Variants in RAP1GAP2 observed in about 807,000 individuals in gnomAD.
The protein encoded by RAP1GAP2 is RAP1 GTPase activating protein 2.
Under a neutral mutation model 95.0 loss-of-function variants are expected in RAP1GAP2, and 27 were observed. The observed-to-expected ratio is 0.28, with a 90% CI of 0.21 to 0.39. RAP1GAP2 has a LOEUF of 0.39. RAP1GAP2 is among the 10% of genes least tolerant of loss of function. The pLI is 1.00. For missense variants in RAP1GAP2, 771 were observed against 970.0 expected, an observed-to-expected ratio of 0.79 and a Z score of 2.72; for synonymous variants, 373 against 380.9, an observed-to-expected ratio of 0.98 and a Z score of 0.24.
intron 12 of RAP1GAP2, 118 bp from the exon 13 acceptor site, chr17:2,995,219 C>G: frequency 7.7e-7 from 1 of 1,295,238 alleles, no homozygotes; most frequent in Non-Finnish European, 1.1e-6. Context: ...CTGCCCTCAG[C>G]TCTCCTGTCT....
At position 2,757,924 on chromosome 17, in the gene RAP1GAP2, G is replaced by C. The variant is rs540338514; in HGVS notation, c.50+2157G>C. On this transcript the variant is annotated intron_variant, in intron 1 of 25. Transcript: ENST00000637138. ...TCACACTGTCACCCAAGCTGGAGTGGAGTGGCGCGATCTCGGCTCACTGCA... is the reference window on the plus strand; with the variant it reads ...TCACACTGTCACCCAAGCTGGAGTGCAGTGGCGCGATCTCGGCTCACTGCA... Among the ~76,000 whole-genome samples, 101 of 151,832 alleles carry C rather than the reference G, an allele frequency of 6.7e-4. 1 individual carries two copies. The highest frequency in any genetic ancestry group is 6.8e-3 in the Middle Eastern group (2 of 294).
chr17:2,785,744 C>T (rs957802855), intron 1 of RAP1GAP2, among the ~76,000 whole-genome samples: 1 of 152,182 alleles, frequency 6.6e-6, no homozygotes, highest in Non-Finnish European at 1.5e-5. Flanking sequence ...ATAAAAACCT[C>T]TTCCTTCTTT....
intron 3 of RAP1GAP2, among the ~76,000 whole-genome samples, chr17:2,921,499 G>A (rs1052878906): frequency 1.3e-5 from 2 of 152,152 alleles, no homozygotes; most frequent in Non-Finnish European, 2.9e-5. Context: ...TACCATGACC[G>A]GCCAGGAATT....
At chr17:2,854,150 G>A (rs913182197) in intron 2 of RAP1GAP2, 8 of 985,132 alleles carry the variant, frequency 8.1e-6, no homozygotes, top group African/African-American at 1.7e-5. Context: ...CCTGCTGCAT[G>A]CCAGTTTTCT....
chr17:2,911,873 C>G (rs1238183968), intron 3 of RAP1GAP2, among the ~76,000 whole-genome samples: 1 of 152,196 alleles, frequency 6.6e-6, no homozygotes, highest in Non-Finnish European at 1.5e-5. Flanking sequence ...GAAGTCCACT[C>G]TGCTGGGACT....
At chr17:2,817,296 G>GAATTTCCT (rs1216201455) in intron 2 of RAP1GAP2, among the ~76,000 whole-genome samples, 2 of 120,514 alleles carry the variant, frequency 1.7e-5, no homozygotes, top group Non-Finnish European at 4.0e-5. Context: ...GCCTGGCCTA[G>GAATTTCCT]AATTTCCTTT....
chr17:3,017,940 T>C (rs2046827086), intron 17 of RAP1GAP2, 121 bp from the exon 18 acceptor site: 1 of 808,758 alleles, frequency 1.2e-6, no homozygotes. Context: ...TGTGTGTGTG[T>C]GTGTGTGTAT....
chr17:2,936,564 C>G (rs1163518361), intron 3 of RAP1GAP2, among the ~76,000 whole-genome samples: 1 of 152,048 alleles, frequency 6.6e-6, no homozygotes, highest in Non-Finnish European at 1.5e-5. Flanking sequence ...TGACCTTCAG[C>G]AGGCCAGTTA....
At chr17:2,838,659 GAT>G (rs371708883) in intron 2 of RAP1GAP2, among the ~76,000 whole-genome samples, 10 of 152,294 alleles carry the variant, frequency 6.6e-5, no homozygotes, top group African/African-American at 2.4e-4. Flanking sequence ...GGTGGAATTG[GAT>G]GAATTGGCGC....
chr17:2,850,802 C>T (rs1036608081), intron 2 of RAP1GAP2, among the ~76,000 whole-genome samples: 2 of 150,930 alleles, frequency 1.3e-5, no homozygotes, highest in African/African-American at 2.4e-5. Flanking sequence ...TGGCTCACAC[C>T]TGTAATCCCA....
rs568178756 is a variant in RAP1GAP2 at position 2,991,417 on chromosome 17, C to T, written c.914+20C>T. On this transcript the variant is annotated intron_variant, in intron 12 of 24. Coordinates refer to ENST00000254695, the MANE Select transcript of RAP1GAP2 (RefSeq NM_015085.5). ...CAAAGGGTGGGTTTTAGCCAAGTGA[C>T]GGCTCCAGCTCCATCAACAAGGGCA... The T allele has an allele frequency of 2.5e-5, 38 of 1,550,862 alleles. No homozygotes were observed. Among genetic ancestry groups the T allele is most frequent in the South Asian group, 7.0e-5 (6 of 85,786 alleles).
At chr17:2,771,496 T>G (rs1175038318) in intron 2 of RAP1GAP2, among the ~76,000 whole-genome samples, 4 of 149,062 alleles carry the variant, frequency 2.7e-5, no homozygotes, top group South Asian at 2.1e-4. Context: ...GTTTTTTTTT[T>G]TTGTTTTTTT....
chr17:2,809,461 CG>C (rs1163075597), intron 2 of RAP1GAP2, among the ~76,000 whole-genome samples: 1 of 152,146 alleles, frequency 6.6e-6, no homozygotes, highest in Non-Finnish European at 1.5e-5. Context: ...AAATGTGGAC[CG>C]GGTGGCCTGT....
At chr17:2,879,982 C>A (rs990824867) in intron 2 of RAP1GAP2, among the ~76,000 whole-genome samples, 1 of 152,004 alleles carries the variant, frequency 6.6e-6, no homozygotes, top group Non-Finnish European at 1.5e-5. Context: ...CCAATGGGGA[C>A]CAGGTAGGCC....
At position 3,034,290 on chromosome 17, in the gene RAP1GAP2, G is replaced by T; in HGVS notation, c.*929G>T. On this transcript the variant is annotated 3_prime_UTR_variant, in exon 25 of 25. Coordinates refer to ENST00000254695, the MANE Select transcript of RAP1GAP2 (RefSeq NM_015085.5). This position sits in a 1 kb window ranked among gnomAD's most constrained non-coding sequence, Gnocchi z 5.1. ...CCAGTGCTGAGATGCTGCTGTGTTG[G>T]TTGAGGAAAACCTCGGGCCTGAGGG... 5.6e-6 allele frequency: 1 copy of T among 178,804 alleles called. No individual in the cohort carries two copies. The highest frequency in any genetic ancestry group is 1.2e-5 in the Non-Finnish European group (1 of 80,686). The allele number at this position is 178,804 out of a possible 1,614,324, so 11.1% of individuals were successfully genotyped here.
In RAP1GAP2 at chr17:2,843,689, G is replaced by A. The variant is rs530547550; in HGVS notation, c.80+43139G>A. 7.2e-5 allele frequency among the ~76,000 whole-genome samples: 11 copies of A among 152,232 alleles called. No homozygotes were observed. The South Asian group carries it at 1.0e-3, about 14-fold the overall frequency. ...GCGGGGTGGGGCTGAGATGGTTTCC[G>A]TCCAGGTTCTCCAAGAAAGACAAGA... On this transcript the variant is annotated intron_variant, in intron 2 of 24. Coordinates refer to ENST00000254695, the MANE Select transcript of RAP1GAP2 (RefSeq NM_015085.5).
rs5818880 is a variant in RAP1GAP2, at chr17:2,904,530, CTGTG to C, written c.81-718_81-715del. Among the ~76,000 whole-genome samples, 163 of 129,160 alleles carry C rather than the reference CTGTG, an allele frequency of 1.3e-3. 1 individual carries two copies. The highest frequency in any genetic ancestry group is 2.0e-3 in the Admixed American group (26 of 12,690). 84.7% of individuals were successfully genotyped at this position (129,160 alleles called of 152,430 possible). On this transcript the variant is annotated intron_variant, in intron 2 of 24. Coordinates refer to ENST00000254695, the MANE Select transcript of RAP1GAP2 (RefSeq NM_015085.5). The surrounding 1 kb of genome is among the most constrained non-coding windows in gnomAD (Gnocchi z 4.7). ...CCGAGGACAGCTTTTTGACCAGGGC[CTGTG>C]TGTGTGTGTGTGTGTGTGTGTGTGT...
At chr17:2,888,659 T>C (rs868018034) in intron 2 of RAP1GAP2, among the ~76,000 whole-genome samples, 3,145 of 149,766 alleles carry the variant, frequency 0.021, 111 homozygotes, top group African/African-American at 0.072. Flanking sequence ...TTTCTTTTTT[T>C]TTTTTTTTTT....
rs2043297562 is a variant in RAP1GAP2, at chr17:2,936,030, G to T, written c.166-21729G>T. On this transcript the variant is annotated intron_variant, in intron 3 of 24. Transcript: ENST00000254695. The stretch of plus-strand genomic sequence containing the variant: ...AGAGGCTCAGGAGGCTAATTTGACG[G>T]TGGGGAGATGTGCGCAGACCGCCAT... 2.6e-5 allele frequency among the ~76,000 whole-genome samples: 4 copies of T among 152,210 alleles called. 1 individual carries two copies. In the Middle Eastern group the frequency reaches 0.014, roughly 518 times the overall value.
Sources: allele counts gnomAD v4.1 joint callset (sites outside exome capture counted in the v4.1 genomes callset), GRCh38; gene constraint gnomAD v4.1.1; non-coding constraint Gnocchi (gnomAD v3.1); transcripts MANE v1.5; gene names NCBI Gene and HGNC (gene_info 2026-07-23, HGNC 2026-07-21).